Variants in AUH observed in about 807,000 individuals in gnomAD.
The protein encoded by AUH is methylglutaconyl-CoA hydratase, mitochondrial.
Under a neutral mutation model 42.3 loss-of-function variants are expected in AUH, and 29 were observed. The observed-to-expected ratio is 0.69, with a 90% confidence interval of 0.51 to 0.93. AUH has a LOEUF of 0.93. Ranked by LOEUF, AUH falls within the 40% of genes least tolerant of loss-of-function variation. AUH has a pLI of 0.00. For missense variants in AUH, 452 were observed against 438.1 expected, an observed-to-expected ratio of 1.03 and a Z score of -0.28; for synonymous variants, 174 against 166.4, an observed-to-expected ratio of 1.05 and a Z score of -0.35.
At chr9:91,305,011 T>G (rs966803203) in intron 4 of AUH, among the ~76,000 whole-genome samples, 2 of 152,190 alleles carry the variant, frequency 1.3e-5, no homozygotes, top group Non-Finnish European at 2.9e-5. Flanking sequence ...AATACATTAT[T>G]CATTTGGAAA....
At chr9:91,290,913 T>C (rs1826821839) in intron 6 of AUH, among the ~76,000 whole-genome samples, 1 of 152,214 alleles carries the variant, frequency 6.6e-6, no homozygotes, top group Non-Finnish European at 1.5e-5. Context: ...AAAGTCGCTG[T>C]ATTCATTGCT....
intron 6 of AUH, among the ~76,000 whole-genome samples, chr9:91,287,881 T>C (rs182120266): frequency 6.6e-6 from 1 of 152,206 alleles, no homozygotes; most frequent in African/African-American, 2.4e-5. Flanking sequence ...AGAAAACGTA[T>C]GCTGAAATAT....
intron 1 of AUH, 120 bp downstream of exon 1, chr9:91,361,508 G>C (rs1048860204): frequency 2.9e-6 from 4 of 1,380,196 alleles, no homozygotes; most frequent in Non-Finnish European, 3.9e-6. Flanking sequence ...GAGGGACCCA[G>C]GTTCGGTGCG....
chr9:91,328,601 G>C (rs1564105920), intron 3 of AUH, among the ~76,000 whole-genome samples: 1 of 152,070 alleles, frequency 6.6e-6, no homozygotes, highest in Non-Finnish European at 1.5e-5. Flanking sequence ...AAGACTACAG[G>C]CTCAGCCAGA....
At chr9:91,268,406 C>T (rs1830089613) in intron 6 of AUH, among the ~76,000 whole-genome samples, 1 of 151,868 alleles carries the variant, frequency 6.6e-6, no homozygotes, top group South Asian at 2.1e-4. Context: ...CACACACACA[C>T]TGAGAAAAAC....
chr9:91,336,170 C>G (rs1388465945), intron 3 of AUH, among the ~76,000 whole-genome samples: 1 of 152,120 alleles, frequency 6.6e-6, no homozygotes, highest in Non-Finnish European at 1.5e-5. Context: ...ACATAAAAAA[C>G]CCACGTTGCT....
intron 6 of AUH, among the ~76,000 whole-genome samples, chr9:91,295,141 G>A (rs996922389): frequency 1.2e-4 from 19 of 152,036 alleles, no homozygotes; most frequent in Non-Finnish European, 2.2e-4. Context: ...CTGCCTCTAC[G>A]TAAGACATGC....
chr9:91,335,444 C>T (rs10991891), intron 3 of AUH, among the ~76,000 whole-genome samples: 12,977 of 152,148 alleles, frequency 0.085, 625 homozygotes, highest in East Asian at 0.17. Context: ...TTTTCCCTCA[C>T]TCACAATTAA....
chr9:91,351,959 C>T (rs1265450698), intron 3 of AUH, among the ~76,000 whole-genome samples: 4 of 152,072 alleles, frequency 2.6e-5, no homozygotes, highest in South Asian at 2.1e-4. Context: ...AAACAGAAAA[C>T]GTACAGTAAA....
intron 5 of AUH, among the ~76,000 whole-genome samples, chr9:91,297,618 G>C (rs888717368): frequency 4.0e-5 from 6 of 150,896 alleles, no homozygotes; most frequent in East Asian, 1.9e-4. Flanking sequence ...TTTTAAACAG[G>C]GTCTCCCTCT....
intron 3 of AUH, among the ~76,000 whole-genome samples, chr9:91,347,155 G>GC (rs1450593697): frequency 6.6e-6 from 1 of 152,102 alleles, no homozygotes; most frequent in Non-Finnish European, 1.5e-5. Context: ...TTGCACCTCA[G>GC]CCCCCTCAAG....
chr9:91,336,317 G>A (rs1048543360), intron 3 of AUH, among the ~76,000 whole-genome samples: 5 of 151,950 alleles, frequency 3.3e-5, no homozygotes, highest in Non-Finnish European at 5.9e-5. Context: ...TCATTTGAAC[G>A]AAATTGTTAA....
rs540050186 is a variant in AUH at position 91,310,475 on chromosome 9, A to C, written c.506-12399T>G. Among the ~76,000 whole-genome samples the C allele has an allele frequency of 4.6e-5, 7 of 152,362 alleles. No individual in the cohort carries two copies. In the South Asian group the frequency reaches 1.4e-3, roughly 32 times the overall value. ...ACTAGGTATAAGTGAAGAAAAAGCC[A>C]ACTCATGGTTCTTGCAATGGGGAGA... On this transcript the variant is annotated intron_variant, in intron 4 of 9. Coordinates refer to ENST00000375731, the MANE Select transcript of AUH (RefSeq NM_001698.3).
chr9:91,260,847 G>A (rs555176398), intron 6 of AUH, among the ~76,000 whole-genome samples: 22 of 152,040 alleles, frequency 1.4e-4, no homozygotes, highest in South Asian at 4.2e-4. Context: ...TGGTTTCCAC[G>A]GTGTCTATTT....
chr9:91,341,401 G>C (rs979117914), intron 3 of AUH, among the ~76,000 whole-genome samples: 1 of 152,156 alleles, frequency 6.6e-6, no homozygotes, highest in African/African-American at 2.4e-5. Context: ...GTCCATCTGG[G>C]AACACATCAA....
intron 6 of AUH, among the ~76,000 whole-genome samples, chr9:91,226,071 T>C (rs1438567175): frequency 6.8e-6 from 1 of 148,032 alleles, no homozygotes; most frequent in African/African-American, 2.5e-5. Flanking sequence ...TACCCAGTAA[T>C]GGGATGGCTG....
chr9:91,269,259 G>A (rs1324878359), intron 6 of AUH, among the ~76,000 whole-genome samples: 3 of 152,312 alleles, frequency 2.0e-5, no homozygotes, highest in African/African-American at 4.8e-5. Flanking sequence ...CATTATAGGC[G>A]TGAGCCACCA....
At chr9:91,235,568 T>A (rs1463701607) in intron 6 of AUH, among the ~76,000 whole-genome samples, 1 of 152,090 alleles carries the variant, frequency 6.6e-6, no homozygotes, top group Admixed American at 6.6e-5. Flanking sequence ...ATCATACAGG[T>A]AGCATTCAAA....
intron 6 of AUH, among the ~76,000 whole-genome samples, chr9:91,243,124 G>A (rs866016464): frequency 6.6e-5 from 10 of 152,184 alleles, no homozygotes; most frequent in African/African-American, 2.4e-4. Flanking sequence ...AAGGCTCAGA[G>A]CAGTAAGGTG....
Sources: gnomAD v4.1 joint callset for allele counts (sites outside exome capture counted in the v4.1 genomes callset) on GRCh38, gnomAD v4.1.1 for gene constraint, MANE v1.5 for transcripts, NCBI Gene and HGNC (gene_info 2026-07-23, HGNC 2026-07-21) for gene names.